Variants in ATP8A1 observed in about 807,000 individuals in gnomAD.
ATP8A1 encodes the protein ATPase phospholipid transporting 8A1, also known as phospholipid-transporting ATPase IA.
In ATP8A1, 90 loss-of-function variants were observed where a neutral mutation model predicts 177.7. The observed-to-expected ratio is 0.51, with a 90% CI of 0.43 to 0.60. The LOEUF is 0.60. Ranked by LOEUF, ATP8A1 falls within the 20% of genes least tolerant of loss-of-function variation. The pLI, the probability that ATP8A1 is intolerant of heterozygous loss-of-function variation, is 0.00. For missense variants in ATP8A1, 1,072 were observed against 1,392.8 expected (o/e 0.77, Z 3.67); for synonymous variants, 493 against 485.9 (o/e 1.01, Z -0.19).
intron 10 of ATP8A1, among the ~76,000 whole-genome samples, 164 bp from the exon 11 acceptor site, chr4:42,580,142 G>C (rs1049580420): frequency 6.6e-6 from 1 of 152,228 alleles, no homozygotes; most frequent in South Asian, 2.1e-4. Context: ...AGGTGCCAAT[G>C]GTTAACCACC....
chr4:42,450,988 C>G (rs1717871603), intron 30 of ATP8A1, among the ~76,000 whole-genome samples: 1 of 152,110 alleles, frequency 6.6e-6, no homozygotes, highest in African/African-American at 2.4e-5. Flanking sequence ...TCGGGGAAGG[C>G]TTCTTGAGCA....
At chr4:42,495,621 TTTTTTG>T (rs975144604) in intron 24 of ATP8A1, among the ~76,000 whole-genome samples, 5 of 149,536 alleles carry the variant, frequency 3.3e-5, no homozygotes, top group Admixed American at 1.4e-4. Flanking sequence ...TTGGTTTTTT[TTTTTTG>T]ATGTAGTTTT....
chr4:42,443,556 G>T lies in ATP8A1; in HGVS notation c.3123+9C>A. The T allele has an allele frequency of 9.5e-7, 1 of 1,047,402 alleles. No homozygotes were observed. Among genetic ancestry groups the T allele is most frequent in the East Asian group, 2.4e-5 (1 of 42,254 alleles). 64.9% of individuals were successfully genotyped at this position (1,047,402 alleles called of 1,614,324 possible). On this transcript the variant is annotated intron_variant, in intron 33 of 36. Transcript: ENST00000381668. ...TTTTGTTGGATTGTGAGTTATTAGC[G>T]CACATTACCTCTCCTGACATATCAG...
chr4:42,554,756 G>A (rs1282303014), intron 16 of ATP8A1, among the ~76,000 whole-genome samples: 1 of 152,176 alleles, frequency 6.6e-6, no homozygotes, highest in East Asian at 1.9e-4. Flanking sequence ...CTTGACTGAA[G>A]GACGCAAAGT....
At chr4:42,541,611 G>A (rs1020978492) in intron 20 of ATP8A1, among the ~76,000 whole-genome samples, 1 of 152,106 alleles carries the variant, frequency 6.6e-6, no homozygotes, top group African/African-American at 2.4e-5. Context: ...GGCCAAAATT[G>A]GAAAGAGACC....
intron 23 of ATP8A1, among the ~76,000 whole-genome samples, chr4:42,503,944 C>T (rs1029200171): frequency 6.6e-6 from 1 of 152,170 alleles, no homozygotes; most frequent in Admixed American, 6.5e-5. Context: ...ATCTCCCTTC[C>T]TGGGAGAATC....
At chr4:42,652,850 T>G (rs948441119) in intron 1 of ATP8A1, among the ~76,000 whole-genome samples, 60 of 152,074 alleles carry the variant, frequency 3.9e-4, no homozygotes, top group East Asian at 2.5e-3. Context: ...AAACCTCTTT[T>G]TCTTTATAAA....
chr4:42,456,466 A>G (rs1369713436), intron 27 of ATP8A1, among the ~76,000 whole-genome samples: 3 of 152,164 alleles, frequency 2.0e-5, no homozygotes, highest in African/African-American at 4.8e-5. Flanking sequence ...TGACTAGAGC[A>G]TAATGTTCTT....
chr4:42,584,348 C>G (rs1001437865), intron 9 of ATP8A1, among the ~76,000 whole-genome samples: 26 of 152,162 alleles, frequency 1.7e-4, no homozygotes, highest in African/African-American at 6.3e-4. Flanking sequence ...TCTTTGCTCT[C>G]TTTGCAACAA....
At chr4:42,613,585 T>C (rs1015094087) in intron 5 of ATP8A1, among the ~76,000 whole-genome samples, 1 of 152,032 alleles carries the variant, frequency 6.6e-6, no homozygotes, top group Non-Finnish European at 1.5e-5. Context: ...TATTGTTGCA[T>C]TGTTTTTCTT....
At chr4:42,603,294 G>C (rs931679166) in intron 5 of ATP8A1, among the ~76,000 whole-genome samples, 1 of 152,072 alleles carries the variant, frequency 6.6e-6, no homozygotes, top group East Asian at 1.9e-4. Context: ...TCTTTCACTA[G>C]ATTTAATTCT....
At chr4:42,542,812 A>C (rs1385751894) in intron 20 of ATP8A1, among the ~76,000 whole-genome samples, 1 of 151,762 alleles carries the variant, frequency 6.6e-6, no homozygotes, top group East Asian at 1.9e-4. Context: ...TATATGTGTT[A>C]AAGTCTCTCT....
rs901228422 is a variant in ATP8A1 at position 42,511,612 on chromosome 4, A to C, written c.1948-4458T>G. Among the ~76,000 whole-genome samples, 5 of 152,302 alleles carry C rather than the reference A, an allele frequency of 3.3e-5. No homozygotes were observed. In the South Asian group the frequency reaches 1.0e-3, roughly 32 times the overall value. On this transcript the variant is annotated intron_variant, in intron 22 of 36. Transcript: ENST00000381668. Reference sequence around the variant, plus strand: ...ATGTTTTCTCTTTCAGATGTTCCTAATGTATGCAGAATTTTTAAAAAGGCA... The same window carrying C: ...ATGTTTTCTCTTTCAGATGTTCCTACTGTATGCAGAATTTTTAAAAAGGCA...
At chr4:42,418,208 G>A (rs1286832924) in intron 35 of ATP8A1, among the ~76,000 whole-genome samples, 1 of 152,152 alleles carries the variant, frequency 6.6e-6, no homozygotes, top group Non-Finnish European at 1.5e-5. Flanking sequence ...TGCAAAAGCT[G>A]TAAACAATGG....
chr4:42,413,119 C>A, intron 36 of ATP8A1, 106 bp from the exon 37 acceptor site: 1 of 821,924 alleles, frequency 1.2e-6, no homozygotes. Context: ...ATGCAGCCTT[C>A]CCACATTCAA....
chr4:42,594,155 A>G (rs1023239653), intron 6 of ATP8A1: 5 of 514,924 alleles, frequency 9.7e-6, no homozygotes, highest in Non-Finnish European at 1.0e-5. Flanking sequence ...CAATTTTTTA[A>G]ATGTTTAAAT....
chr4:42,489,694 T>G (rs982588786), intron 24 of ATP8A1, among the ~76,000 whole-genome samples: 5 of 152,230 alleles, frequency 3.3e-5, no homozygotes, highest in African/African-American at 4.8e-5. Context: ...TTTCAAATTC[T>G]TTTATTTATG....
intron 9 of ATP8A1, among the ~76,000 whole-genome samples, chr4:42,585,029 C>A (rs1156985296): frequency 6.6e-6 from 1 of 152,136 alleles, no homozygotes; most frequent in Non-Finnish European, 1.5e-5. Flanking sequence ...TAACATTCCA[C>A]AATTATTCCA....
intron 15 of ATP8A1, among the ~76,000 whole-genome samples, chr4:42,566,858 T>C (rs371856073): frequency 6.6e-6 from 1 of 152,288 alleles, no homozygotes; most frequent in East Asian, 1.9e-4. Context: ...TTCACCAACT[T>C]TAAAATGGCC....
Sources: allele counts gnomAD v4.1 joint callset (sites outside exome capture counted in the v4.1 genomes callset), GRCh38; gene constraint gnomAD v4.1.1; transcripts MANE v1.5; gene names NCBI Gene and HGNC (gene_info 2026-07-23, HGNC 2026-07-21).